Variants in PDXDC1 observed in about 807,000 individuals in gnomAD.
The protein encoded by PDXDC1 is pyridoxal-dependent decarboxylase domain-containing protein 1.
In PDXDC1, 42 loss-of-function variants were observed where a neutral mutation model predicts 100.1. The ratio of observed to expected loss-of-function variants is 0.42; its 90% CI spans 0.33 to 0.54. The LOEUF (loss-of-function observed/expected upper bound fraction) is 0.54. Ranked by LOEUF, PDXDC1 falls within the 20% of genes least tolerant of loss-of-function variation. PDXDC1 has a pLI of 0.10. For synonymous variants in PDXDC1, 260 were observed against 371.7 expected (o/e 0.70, Z 3.46); for missense variants, 636 against 979.2 (o/e 0.65, Z 4.68).
downstream of PDXDC1, chr16:15,041,145 TAC>T (rs1555580532): frequency 2.1e-6 from 3 of 1,402,858 alleles, no homozygotes; most frequent in Non-Finnish European, 3.0e-6. Context: ...ATGTTTAAGA[TAC>T]ACTTTTTAAA....
intron 16 of PDXDC1, chr16:15,137,635 G>C (rs1192434736): frequency 7.5e-7 from 1 of 1,341,272 alleles, no homozygotes; most frequent in African/African-American, 1.5e-5. Flanking sequence ...CTCCCATGCT[G>C]TTCCCTTGGC....
chr16:15,080,631 A>G (rs986696927), intron 16 of PDXDC1, among the ~76,000 whole-genome samples: 2 of 152,124 alleles, frequency 1.3e-5, no homozygotes, highest in African/African-American at 2.4e-5. Context: ...TTTTCTCACT[A>G]TGTTGCCCAG....
intron 16 of PDXDC1, chr16:15,086,571 T>C: frequency 6.8e-7 from 1 of 1,472,782 alleles, no homozygotes; most frequent in Non-Finnish European, 9.1e-7. Flanking sequence ...GGTCACAAAC[T>C]TGGAAGGAAC....
intron 16 of PDXDC1, among the ~76,000 whole-genome samples, chr16:15,087,656 A>G (rs2045960769): frequency 6.6e-6 from 1 of 152,210 alleles, no homozygotes; most frequent in African/African-American, 2.4e-5. Flanking sequence ...GTAATTTCAT[A>G]TGTCCACAAC....
the PDXDC1 span, among the ~76,000 whole-genome samples, chr16:15,146,374 C>T: frequency 1.3e-5 from 2 of 152,168 alleles, no homozygotes. Flanking sequence ...CACGTCAGGG[C>T]GGGCACTGAG....
At chr16:15,089,511 G>A (rs569603911) in intron 16 of PDXDC1, among the ~76,000 whole-genome samples, 8 of 152,028 alleles carry the variant, frequency 5.3e-5, no homozygotes, top group Admixed American at 1.3e-4. Flanking sequence ...AGCGATTAAA[G>A]GATCACTGGC....
chr16:15,133,318 G>C, intron 16 of PDXDC1: 7 of 1,547,856 alleles, frequency 4.5e-6, no homozygotes, highest in Middle Eastern at 2.3e-4. Flanking sequence ...GCTGGGGATC[G>C]GCCTGCCGCA....
chr16:14,977,406 A>G (rs1264149574), intron 1 of PDXDC1, among the ~76,000 whole-genome samples: 4 of 151,464 alleles, frequency 2.6e-5, no homozygotes, highest in Non-Finnish European at 5.9e-5. Context: ...CAGCCTCCCG[A>G]GCAGCTGTGA....
intron 1 of PDXDC1, among the ~76,000 whole-genome samples, chr16:14,993,548 G>A (rs1971326964): frequency 6.6e-6 from 1 of 152,284 alleles, no homozygotes; most frequent in Non-Finnish European, 1.5e-5. Flanking sequence ...ATCATTGATG[G>A]ACATTTGGGT....
At chr16:15,104,624 G>C (rs1442168535) in intron 16 of PDXDC1, 7 of 1,598,488 alleles carry the variant, frequency 4.4e-6, no homozygotes, top group Admixed American at 1.7e-5. Flanking sequence ...GGCTCAGGGA[G>C]TTATCAGTTA....
chr16:15,083,274 C>T (rs916042618), intron 16 of PDXDC1, among the ~76,000 whole-genome samples: 1 of 152,174 alleles, frequency 6.6e-6, no homozygotes, highest in African/African-American at 2.4e-5. Context: ...TGGTAGGCGC[C>T]TGCAGTCCCA....
intron 12 of PDXDC1, among the ~76,000 whole-genome samples, chr16:15,021,065 G>A (rs563835460): frequency 4.1e-3 from 622 of 151,990 alleles, no homozygotes; most frequent in Non-Finnish European, 2.9e-3. Context: ...TCATATGTTA[G>A]GATAGTTCAA....
At chr16:15,091,207 G>GAC in intron 16 of PDXDC1, 1 of 1,346,036 alleles carries the variant, frequency 7.4e-7, no homozygotes, top group Non-Finnish European at 1.0e-6. Flanking sequence ...AATAAGGGAG[G>GAC]ACCATGGAGA....
At chr16:15,130,013 A>T in intron 16 of PDXDC1, 1 of 909,904 alleles carries the variant, frequency 1.1e-6, no homozygotes. Context: ...GGCCATGACC[A>T]TGTAGGTCAC....
rs527256926 is a variant in PDXDC1 at position 15,130,703 on chromosome 16, G to A, written c.1400-8176G>A. On this transcript the variant is annotated intron_variant, in intron 16 of 16. Transcript: ENST00000535621. ...GGAGGGACTCTGGGCGGATCCTCCT[G>A]CTAGCCGAGCAGTTGTGCTCATTGG... 2.3e-5 allele frequency: 34 copies of A among 1,495,336 alleles called. No individual in the cohort carries two copies. The Admixed American group carries it at 3.5e-4, about 16-fold the overall frequency. The allele number at this position is 1,495,336 out of a possible 1,614,324, so 92.6% of individuals were successfully genotyped here. A position where few individuals can be genotyped will look rare whatever the true frequency, so the allele number is the denominator to read the frequency against.
chr16:14,974,754 T>C (rs1966522926), upstream of PDXDC1: 7 of 1,535,384 alleles, frequency 4.6e-6, no homozygotes, highest in East Asian at 1.2e-4. Flanking sequence ...TCTCGAGGGA[T>C]GCCGGCGGGA....
chr16:15,049,332 G>C, intron 16 of PDXDC1, among the ~76,000 whole-genome samples: 1 of 152,148 alleles, frequency 6.6e-6, no homozygotes, highest in South Asian at 2.1e-4. Flanking sequence ...CCTGGCCTCC[G>C]CTTTTTTACC....
intron 16 of PDXDC1, among the ~76,000 whole-genome samples, chr16:15,089,930 T>C: frequency 6.7e-6 from 1 of 150,286 alleles, no homozygotes. Context: ...CCACTGAGGC[T>C]GGGCTCAGTG....
At chr16:15,035,007 G>A (rs1250743693) in intron 21 of PDXDC1, among the ~76,000 whole-genome samples, 1 of 152,224 alleles carries the variant, frequency 6.6e-6, no homozygotes, top group Non-Finnish European at 1.5e-5. Context: ...TGGAATGTGG[G>A]GAGGGTGTTA....
Sources: gnomAD v4.1 joint callset for allele counts (sites outside exome capture counted in the v4.1 genomes callset) on GRCh38, gnomAD v4.1.1 for gene constraint, MANE v1.5 for transcripts, NCBI Gene and HGNC (gene_info 2026-07-23, HGNC 2026-07-21) for gene names.